Variants in SLCO1B3 observed in about 807,000 individuals in gnomAD.
SLCO1B3 encodes solute carrier organic anion transporter family member 1B3, also known as liver-specific organic anion transporter 2.
A neutral mutation model predicts 71.8 loss-of-function variants in SLCO1B3; 72 were observed. That is an observed-to-expected ratio of 1.00 (90% CI 0.83 to 1.22). The LOEUF is 1.22. Ranked by LOEUF, SLCO1B3 falls within the 50% of genes most tolerant of loss-of-function variation. SLCO1B3 has a pLI of 0.00. For missense variants in SLCO1B3, 911 were observed against 819.7 expected (o/e 1.11, Z -1.36); for synonymous variants, 298 against 278.4 (o/e 1.07, Z -0.70).
intron 15 of SLCO1B3, among the ~76,000 whole-genome samples, chr12:20,910,143 G>A (rs1866345163): frequency 6.6e-6 from 1 of 152,066 alleles, no homozygotes; most frequent in Non-Finnish European, 1.5e-5. Flanking sequence ...GTTAATTTTT[G>A]TGAAGCCTAA....
At chr12:20,868,405 A>G (rs909337843) in intron 8 of SLCO1B3, among the ~76,000 whole-genome samples, 2 of 152,174 alleles carry the variant, frequency 1.3e-5, no homozygotes, top group South Asian at 2.1e-4. Context: ...TACAGGCACA[A>G]TGTTGTACAG....
rs915091889 is a variant in SLCO1B3 at position 20,883,577 on chromosome 12, A to C, written c.1657A>C (p.Thr553Pro). The C allele has an allele frequency of 6.3e-7, 1 of 1,595,516 alleles. No homozygotes were observed. Among genetic ancestry groups the C allele is most frequent in the East Asian group, 2.3e-5 (1 of 43,330 alleles). Reference sequence around the variant, plus strand: ...CTCTTTGTTCTCTGCAACAGGAGGTACCACATTTATCTTGTTGACTGTGAA... The same window carrying C: ...CTCTTTGTTCTCTGCAACAGGAGGTCCCACATTTATCTTGTTGACTGTGAA... ...INSLFSATGG[T>P]TFILLTVKIV... The change falls in exon 13 of 16, where the codon ACC (threonine) becomes CCC (proline). Residue 553 changes from threonine to proline, a missense_variant. Transcript: ENST00000381545.
chr12:20,916,347 A>T lies in SLCO1B3; in HGVS notation c.*100A>T, dbSNP rs970580375. 9.0e-7 allele frequency: 1 copy of T among 1,113,710 alleles called. No individual in the cohort carries two copies. The highest frequency in any genetic ancestry group is 1.3e-6 in the Non-Finnish European group (1 of 767,632). 69.0% of individuals were successfully genotyped at this position (1,113,710 alleles called of 1,614,324 possible). A position where few individuals can be genotyped will look rare whatever the true frequency, so the allele number is the denominator to read the frequency against. On this transcript the variant is annotated 3_prime_UTR_variant, in exon 16 of 16. Coordinates refer to ENST00000381545, the MANE Select transcript of SLCO1B3 (RefSeq NM_019844.4). ...TTACAGTGGACCAATGGATAAGTCT[A>T]TGCATCTATAATAAACTATAAAAAA...
chr12:20,881,472 A>G (rs1411864538), intron 12 of SLCO1B3, among the ~76,000 whole-genome samples: 1 of 152,178 alleles, frequency 6.6e-6, no homozygotes. Flanking sequence ...ATACATACTG[A>G]TAAGTGTAGC....
intron 4 of SLCO1B3, among the ~76,000 whole-genome samples, chr12:20,857,057 G>T (rs1467611405): frequency 1.3e-5 from 2 of 152,050 alleles, no homozygotes; most frequent in South Asian, 2.1e-4. Context: ...TTGATAATTT[G>T]TCTGGGTATG....
At chr12:20,843,959 A>T (rs886965657) in intron 3 of SLCO1B3, among the ~76,000 whole-genome samples, 1 of 152,058 alleles carries the variant, frequency 6.6e-6, no homozygotes, top group Non-Finnish European at 1.5e-5. Flanking sequence ...AGGCACTCTC[A>T]ATCTGAGGTT....
At chr12:20,874,672 T>A in intron 8 of SLCO1B3, among the ~76,000 whole-genome samples, 1 of 152,192 alleles carries the variant, frequency 6.6e-6, no homozygotes, top group Admixed American at 6.5e-5. Flanking sequence ...AGTCCAATAT[T>A]TCTGGGTTAC....
At chr12:20,825,736 T>C (rs534560494) in intron 3 of SLCO1B3, among the ~76,000 whole-genome samples, 69 of 149,568 alleles carry the variant, frequency 4.6e-4, no homozygotes, top group African/African-American at 1.6e-3. Context: ...GAGGCAGAGA[T>C]TGCAGTGAGT....
chr12:20,877,096 G>T (rs1013397387), intron 9 of SLCO1B3, among the ~76,000 whole-genome samples: 30 of 152,126 alleles, frequency 2.0e-4, no homozygotes, highest in African/African-American at 7.2e-4. Context: ...CTCCCAAAGT[G>T]CTGGGATTAC....
rs757191027 is a variant in SLCO1B3 at position 20,815,593 on chromosome 12, G to T, written c.-65-81G>T. ...AATATTAGAGAATGATTGATTGATT[G>T]ATATTGAGCTTGTGGCTTTTCCTAT... On this transcript the variant is annotated intron_variant, in intron 2 of 15. Coordinates refer to ENST00000381545, the MANE Select transcript of SLCO1B3 (RefSeq NM_019844.4). 3.5e-5 allele frequency: 20 copies of T among 570,838 alleles called. 1 individual carries two copies. Among genetic ancestry groups the T allele is most frequent in the Non-Finnish European group, 6.1e-5 (20 of 325,464 alleles). 35.4% of individuals were successfully genotyped at this position (570,838 alleles called of 1,614,324 possible).
chr12:20,840,716 A>G (rs1271249862), intron 3 of SLCO1B3, among the ~76,000 whole-genome samples: 1 of 152,076 alleles, frequency 6.6e-6, no homozygotes, highest in Admixed American at 6.6e-5. Context: ...AGTGGGCTGT[A>G]ATTGAATATT....
intron 3 of SLCO1B3, among the ~76,000 whole-genome samples, chr12:20,833,985 CAT>C (rs34766640): frequency 0.51 from 73,401 of 144,884 alleles, 20,921 homozygotes; most frequent in South Asian, 0.69. Context: ...ACATAGTAAA[CAT>C]ATATGTCTAT....
At chr12:20,857,882 A>G (rs1337525644) in intron 4 of SLCO1B3, among the ~76,000 whole-genome samples, 1 of 152,138 alleles carries the variant, frequency 6.6e-6, no homozygotes, top group Non-Finnish European at 1.5e-5. Context: ...TCAACATTAC[A>G]TCTCAAATAA....
intron 3 of SLCO1B3, among the ~76,000 whole-genome samples, chr12:20,844,382 G>A (rs571898542): frequency 1.3e-5 from 2 of 150,198 alleles, no homozygotes; most frequent in East Asian, 4.1e-4. Flanking sequence ...GCCTGGCCAA[G>A]GTTGTGAAAC....
intron 15 of SLCO1B3, among the ~76,000 whole-genome samples, chr12:20,907,355 A>C (rs1340901109): frequency 6.6e-6 from 1 of 152,004 alleles, no homozygotes; most frequent in Non-Finnish European, 1.5e-5. Context: ...ATAATTATAG[A>C]AAATCTTTCC....
chr12:20,882,491 C>A (rs185455491), intron 12 of SLCO1B3, among the ~76,000 whole-genome samples: 2 of 152,112 alleles, frequency 1.3e-5, no homozygotes, highest in Non-Finnish European at 2.9e-5. Flanking sequence ...GCAGCCTCCA[C>A]CTCCTGGGTT....
At chr12:20,829,384 G>A (rs1031576823) in intron 3 of SLCO1B3, among the ~76,000 whole-genome samples, 1 of 152,202 alleles carries the variant, frequency 6.6e-6, no homozygotes, top group Non-Finnish European at 1.5e-5. Context: ...CGGGAAGTGG[G>A]CTGAAACTTC....
intron 8 of SLCO1B3, among the ~76,000 whole-genome samples, chr12:20,863,947 T>A (rs1438041129): frequency 6.9e-6 from 1 of 145,620 alleles, no homozygotes; most frequent in African/African-American, 2.8e-5. Context: ...TCTTCTTAGA[T>A]TTTTTTTTAA....
chr12:20,849,715 A>T (rs942620382), intron 3 of SLCO1B3, among the ~76,000 whole-genome samples: 10 of 67,780 alleles, frequency 1.5e-4, no homozygotes, highest in African/African-American at 6.0e-4. Context: ...AGAAAATCAC[A>T]CACACACACA....
Sources: allele counts gnomAD v4.1 joint callset (sites outside exome capture counted in the v4.1 genomes callset), GRCh38; gene constraint gnomAD v4.1.1; transcripts MANE v1.5; gene names NCBI Gene and HGNC (gene_info 2026-07-23, HGNC 2026-07-21).